Variants in TYMP observed in about 807,000 individuals in gnomAD.
The protein encoded by TYMP is thymidine phosphorylase.
Under a neutral mutation model 42.3 loss-of-function variants are expected in TYMP, and 46 were observed. The observed-to-expected ratio is 1.09, with a 90% CI of 0.86 to 1.39. TYMP has a LOEUF of 1.39. Ranked by LOEUF, TYMP falls within the 40% of genes most tolerant of loss-of-function variation. The pLI, the probability that TYMP is intolerant of heterozygous loss-of-function variation, is 0.00. For synonymous variants in TYMP, 363 were observed against 308.0 expected, an observed-to-expected ratio of 1.18 and a Z score of -1.87; for missense variants, 837 against 677.6, an observed-to-expected ratio of 1.24 and a Z score of -2.61.
At chr22:50,527,916 A>G (rs1439563366) in intron 4 of TYMP, 199 bp from the exon 5 acceptor site, 9 of 623,806 alleles carry the variant, frequency 1.4e-5, no homozygotes, top group Non-Finnish European at 2.2e-5. Flanking sequence ...CTGGGACTAC[A>G]GGTGCGCACC....
Position 50,526,715 on chromosome 22 carries a change from C to G in TYMP, c.789G>C (p.Gly263=), listed in dbSNP as rs993697938. 1 of 1,538,650 alleles carries G rather than the reference C, an allele frequency of 6.5e-7. No homozygotes were observed. The highest frequency in any genetic ancestry group is 8.7e-7 in the Non-Finnish European group (1 of 1,147,138). ...KTLVGVGASL[G]LRVAAALTAM... is the part of the protein sequence containing the mutation. ...CGGTCAGCGCTGCCGCGACCCGAAG[C>G]CCTAGGCTGGCTCCCACGCCAACCT... is the stretch of plus-strand genomic sequence containing the variant. The change falls in exon 7 of 10, where the codon GGG becomes GGC. Residue 263 remains glycine, a synonymous_variant. Coordinates refer to ENST00000252029, the MANE Select transcript of TYMP (RefSeq NM_001953.5).
At position 50,529,609 on chromosome 22, in the gene TYMP, T is replaced by C. The variant is rs1482607468; in HGVS notation, c.101A>G (p.Lys34Arg). 2.5e-6 allele frequency: 4 copies of C among 1,612,928 alleles called. No homozygotes were observed. The highest frequency in any genetic ancestry group is 1.1e-5 in the South Asian group (1 of 91,062). ...CATGCGGATCAGCTCCGGGAGCTGC[T>C]TGGGCTCTGGCGAAGGGTCGGGAAG... is the stretch of plus-strand genomic sequence containing the variant. ...QGLPDPSPEP[K>R]QLPELIRMKR... The change falls in exon 2 of 10, where the codon AAG (lysine) becomes AGG (arginine). Residue 34 changes from lysine to arginine, a missense_variant. Coordinates refer to ENST00000252029, the MANE Select transcript of TYMP (RefSeq NM_001953.5).
intron 3 of TYMP, chr22:50,528,814 G>A: frequency 4.7e-6 from 3 of 632,660 alleles, no homozygotes; most frequent in East Asian, 2.7e-5. Flanking sequence ...TGTCCTTGGG[G>A]AAACAAGGCT....
chr22:50,527,749 A>C (rs1179166919), intron 4 of TYMP, 32 bp from the exon 5 acceptor site: 2 of 1,347,426 alleles, frequency 1.5e-6, no homozygotes, highest in Admixed American at 1.7e-5. Context: ...TCAGTGACTT[A>C]TGGTAAATGA....
At position 50,529,339 on chromosome 22, in the gene TYMP, C is replaced by G. The variant is rs767245071; in HGVS notation, c.215-1G>C. ...AGTCGGATGGCCATCAGCATGGCCCCTGGTATGTGGGGGTACGCGTGAGGG... is the reference window on the plus strand; with the variant it reads ...AGTCGGATGGCCATCAGCATGGCCCGTGGTATGTGGGGGTACGCGTGAGGG... On this transcript the variant is annotated splice_acceptor_variant, in intron 2 of 9. Coordinates refer to ENST00000252029, the MANE Select transcript of TYMP (RefSeq NM_001953.5). LOFTEE classifies it high-confidence loss of function. 2.2e-5 allele frequency: 36 copies of G among 1,613,052 alleles called. No homozygotes were observed. Among genetic ancestry groups the G allele is most frequent in the African/African-American group, 4.0e-5 (3 of 74,928 alleles).
At chr22:50,526,967 C>T (rs1248235745) in intron 6 of TYMP, among the ~76,000 whole-genome samples, 198 bp downstream of exon 6, 1 of 152,240 alleles carries the variant, frequency 6.6e-6, no homozygotes, top group Non-Finnish European at 1.5e-5. Context: ...TTCCCCAGGT[C>T]CAGGCCGGGC....
rs779073537 is a variant in TYMP at position 50,529,715 on chromosome 22, C to A, written c.-6G>T. On this transcript the variant is annotated 5_prime_UTR_variant, in exon 2 of 10. Coordinates refer to ENST00000252029, the MANE Select transcript of TYMP (RefSeq NM_001953.5). ...GGGGTCATCAAGGCTGCCATCGCTC[C>A]GGGCCTGCGGGGATGCCTGACACGT... The A allele has an allele frequency of 1.2e-6, 2 of 1,605,922 alleles. No individual in the cohort carries two copies. Among genetic ancestry groups the A allele is most frequent in the South Asian group, 1.1e-5 (1 of 90,152 alleles).
Position 50,529,330 on chromosome 22 carries a change from G to C in TYMP, c.223C>G (p.Leu75Val). ...SAQGAQIGAMLMAIRLRGMDL... is the reference protein window; with the variant it reads ...SAQGAQIGAMVMAIRLRGMDL... ...ATGCCCCGAAGTCGGATGGCCATCA[G>C]CATGGCCCCTGGTATGTGGGGGTAC... The change falls in exon 3 of 10, where the codon CTG (leucine) becomes GTG (valine). Residue 75 changes from leucine to valine, a missense_variant. Physicochemically the swap from Leu to Val is conservative, Grantham distance 32. Coordinates refer to ENST00000252029, the MANE Select transcript of TYMP (RefSeq NM_001953.5). The C allele has an allele frequency of 6.2e-7, 1 of 1,613,276 alleles. No individual in the cohort carries two copies. Among genetic ancestry groups the C allele is most frequent in the South Asian group, 1.1e-5 (1 of 91,082 alleles).
chr22:50,526,500 G>C (rs966252966), intron 7 of TYMP, 24 bp from the exon 8 acceptor site: 2 of 1,519,244 alleles, frequency 1.3e-6, no homozygotes, highest in Non-Finnish European at 8.8e-7. Flanking sequence ...CGGGTCTTAG[G>C]CGCGGCCGGG....
chr22:50,525,899 C>T lies in TYMP; in HGVS notation c.1320G>A (p.Val440=), dbSNP rs994979304. ...CGCTGAGCGCGGGGCCGTCCCGGTG[C>T]ACGCGGAGCCAGGGGGTCCCTGCAG... The part of the protein sequence containing the change: ...RLRRGTPWLR[V]HRDGPALSGP... The change falls in exon 10 of 10, where the codon GTG becomes GTA. Residue 440 remains valine, a synonymous_variant. Transcript: ENST00000252029. 1.9e-6 allele frequency: 3 copies of T among 1,557,010 alleles called. No individual in the cohort carries two copies. The highest frequency in any genetic ancestry group is 1.4e-5 in the African/African-American group (1 of 72,126).
Position 50,526,241 on chromosome 22 carries a change from C to G in TYMP, c.1159+5G>C, listed in dbSNP as rs748559929. 5 of 1,538,670 alleles carry G rather than the reference C, an allele frequency of 3.2e-6. No homozygotes were observed. Among genetic ancestry groups the G allele is most frequent in the Non-Finnish European group, 4.3e-6 (5 of 1,151,544 alleles). On this transcript the variant is annotated splice_donor_5th_base_variant and intron_variant, in intron 8 of 9. Coordinates refer to ENST00000252029, the MANE Select transcript of TYMP (RefSeq NM_001953.5). Reference sequence around the variant, plus strand: ...CGGAAGGACGGGGACTCCCCCGACGCTCACCATCTGCGGGCGCCAGCAGCT... The same window carrying G: ...CGGAAGGACGGGGACTCCCCCGACGGTCACCATCTGCGGGCGCCAGCAGCT...
chr22:50,527,048 G>T, intron 6 of TYMP, 117 bp downstream of exon 6: 1 of 872,692 alleles, frequency 1.1e-6, no homozygotes, highest in Non-Finnish European at 1.9e-6. Context: ...GCAGAAGAGG[G>T]TGGGACTGGG....
At chr22:50,526,787 A>C in intron 6 of TYMP, 49 bp from the exon 7 acceptor site, 1 of 1,523,610 alleles carries the variant, frequency 6.6e-7, no homozygotes. Flanking sequence ...GGCCTTCTGC[A>C]GCCGGTTCTT....
Position 50,529,502 on chromosome 22 carries a change from G to C in TYMP, c.208C>G (p.Gln70Glu). The change falls in exon 2 of 10, where the codon CAG becomes GAG. Residue 70 changes from glutamine (Q) to glutamate (E), a missense_variant. Physicochemically the swap from Gln to Glu is conservative, Grantham distance 29. Transcript: ENST00000252029. Reference protein sequence around the residue: ...AVVNGSAQGAQIGAMLMAIRL... With the variant: ...AVVNGSAQGAEIGAMLMAIRL... ...CCCAACCCTCCCCACGCACCGATCT[G>C]TGCGCCCTGCGCGCTCCCATTCACC... 6.2e-7 allele frequency: 1 copy of C among 1,612,748 alleles called. No homozygotes were observed. The highest frequency in any genetic ancestry group is 8.5e-7 in the Non-Finnish European group (1 of 1,179,902).
chr22:50,529,514 C>G lies in TYMP; in HGVS notation c.196G>C (p.Ala66Pro). 1 of 1,612,910 alleles carries G rather than the reference C, an allele frequency of 6.2e-7. No individual in the cohort carries two copies. The highest frequency in any genetic ancestry group is 8.5e-7 in the Non-Finnish European group (1 of 1,179,912). Residue 66 changes from alanine to proline, a missense_variant, in exon 2 of 10, where the codon GCG (alanine) becomes CCG (proline). Physicochemically the swap from Ala to Pro is conservative, Grantham distance 27. Transcript: ENST00000252029. The part of the protein sequence containing the change: ...GFVAAVVNGS[A>P]QGAQIGAMLM... ...CACGCACCGATCTGTGCGCCCTGCG[C>G]GCTCCCATTCACCACAGCGGCCACG...
intron 3 of TYMP, 26 bp downstream of exon 3, chr22:50,529,110 C>G (rs767526422): frequency 1.9e-6 from 3 of 1,611,754 alleles, no homozygotes; most frequent in East Asian, 4.5e-5. Flanking sequence ...TATAGGCTCC[C>G]GTCTGGAAAG....
chr22:50,525,825 G>T lies in TYMP; in HGVS notation c.1394C>A (p.Ala465Glu). Residue 465 changes from alanine to glutamate, a missense_variant, in exon 10 of 10, where the codon GCG (alanine) becomes GAG (glutamate). By Grantham distance (107) the Ala-to-Glu change is moderately radical. Transcript: ENST00000252029. ...LQEALVLSDR[A>E]PFAAPSPFAE... is the part of the protein sequence containing the mutation. ...GAAGGGCGAGGGGGCGGCGAATGGC[G>T]CGCGGTCGGAGAGTACGAGCGCCTC... 1 of 1,609,938 alleles carries T rather than the reference G, an allele frequency of 6.2e-7. No individual in the cohort carries two copies. The highest frequency in any genetic ancestry group is 8.5e-7 in the Non-Finnish European group (1 of 1,178,734).
chr22:50,526,660 C>T lies in TYMP; in HGVS notation c.844G>A (p.Gly282Ser), dbSNP rs1297424973. The change falls in exon 7 of 10, where the codon GGC becomes AGC. Residue 282 changes from glycine to serine, a missense_variant. Coordinates refer to ENST00000252029, the MANE Select transcript of TYMP (RefSeq NM_001953.5). ...AMDKPLGRCV[G>S]HALEVEEALL... The stretch of plus-strand genomic sequence containing the variant: ...GCCTCCTCCACCTCCAGGGCGTGGC[C>T]CACGCAGCGACCCAGGGGCTTGTCC... The T allele has an allele frequency of 6.4e-7, 1 of 1,557,646 alleles. No individual in the cohort carries two copies. Among genetic ancestry groups the T allele is most frequent in the Non-Finnish European group, 8.7e-7 (1 of 1,153,808 alleles).
chr22:50,528,349 C>G (rs758803325), intron 4 of TYMP, 163 bp downstream of exon 4: 44 of 715,368 alleles, frequency 6.2e-5, no homozygotes, highest in Non-Finnish European at 9.9e-5. Flanking sequence ...TGATCCTAAT[C>G]AAAGTTCCAC....
Sources: allele counts gnomAD v4.1 joint callset (sites outside exome capture counted in the v4.1 genomes callset), GRCh38; gene constraint gnomAD v4.1.1; transcripts MANE v1.5; gene names NCBI Gene and HGNC (gene_info 2026-07-23, HGNC 2026-07-21).